The following NFAT5 variants were observed in gnomAD, a reference collection of about 807,000 sequenced individuals.
NFAT5 encodes the protein nuclear factor of activated T cells 5, also known as nuclear factor of activated T-cells 5.
A neutral mutation model predicts 166.5 loss-of-function variants in NFAT5; 31 were observed. The observed-to-expected ratio is 0.19, with a 90% CI of 0.14 to 0.25. NFAT5 has a LOEUF of 0.25. Among genes scored for constraint, NFAT5 ranks in the 10% least tolerant of loss-of-function variants. NFAT5 has a pLI of 1.00. For synonymous variants in NFAT5, 612 were observed against 639.7 expected (o/e 0.96, Z 0.65); for missense variants, 1,449 against 1,821.8 (o/e 0.80, Z 3.72).
rs1443643375 is a variant in NFAT5, at chr16:69,696,738, C to T, written c.*387C>T. 1 of 152,534 alleles carries T rather than the reference C, an allele frequency of 6.6e-6. No individual in the cohort carries two copies. The highest frequency in any genetic ancestry group is 1.9e-4 in the East Asian group (1 of 5,194). 9.4% of individuals were successfully genotyped at this position (152,534 alleles called of 1,614,324 possible). A position where few individuals can be genotyped will look rare whatever the true frequency, so the allele number is the denominator to read the frequency against. On this transcript the variant is annotated 3_prime_UTR_variant, in exon 15 of 15. Coordinates refer to ENST00000349945, the MANE Select transcript of NFAT5 (RefSeq NM_138713.4). ...GTTTACTTTTGTTCTTCATTATTTT[C>T]TTTCCTGCATTGTTTTAGTCAAGTA...
chr16:69,582,460 T>C (rs1470379858), intron 2 of NFAT5, among the ~76,000 whole-genome samples: 2 of 151,922 alleles, frequency 1.3e-5, no homozygotes, highest in African/African-American at 4.8e-5. Flanking sequence ...GGTATACCTA[T>C]GTTTTTTTCT....
intron 2 of NFAT5, among the ~76,000 whole-genome samples, chr16:69,613,159 G>A (rs1220314329): frequency 1.3e-5 from 2 of 151,952 alleles, no homozygotes; most frequent in Non-Finnish European, 1.5e-5. Context: ...CTTCCCCACC[G>A]TAGCCAGTGA....
intron 3 of NFAT5, among the ~76,000 whole-genome samples, chr16:69,636,207 A>G (rs2034960001): frequency 6.6e-6 from 1 of 152,216 alleles, no homozygotes; most frequent in Non-Finnish European, 1.5e-5. Flanking sequence ...TAACCAGGTC[A>G]CGCTGATGCA....
Position 69,585,720 on chromosome 16 carries a change from C to G in NFAT5, c.127+17172C>G, listed in dbSNP as rs141817168. ...GAAAACATACGCAAAGTGAAATAAG[C>G]CAGACAGAAAAGGACAAATATTGTA... On this transcript the variant is annotated intron_variant, in intron 2 of 14. Transcript: ENST00000349945. Among the ~76,000 whole-genome samples, 1,041 of 152,196 alleles carry G rather than the reference C, an allele frequency of 6.8e-3. 16 individuals are homozygous for G. Among genetic ancestry groups the G allele is most frequent in the African/African-American group, 0.024 (1,001 of 41,508 alleles).
chr16:69,624,405 C>T (rs1169225202), intron 2 of NFAT5, among the ~76,000 whole-genome samples: 5 of 151,690 alleles, frequency 3.3e-5, no homozygotes, highest in African/African-American at 9.7e-5. Context: ...CAGGGTTTCA[C>T]CATTTTGGCC....
At position 69,566,495 on chromosome 16, in the gene NFAT5, C is replaced by A; in HGVS notation, c.73+121C>A. ...GGCGGCTGAGCCGCGACCCCCATGGCTTCTTTGGCCGGAGCGGGCAGAGGC... is the reference window on the plus strand; with the variant it reads ...GGCGGCTGAGCCGCGACCCCCATGGATTCTTTGGCCGGAGCGGGCAGAGGC... On this transcript the variant is annotated intron_variant, in intron 1 of 14. Coordinates refer to ENST00000349945, the MANE Select transcript of NFAT5 (RefSeq NM_138713.4). The surrounding 1 kb of genome is among the most constrained non-coding windows in gnomAD (Gnocchi z 5.7). 1.2e-6 allele frequency: 1 copy of A among 845,598 alleles called. No homozygotes were observed. 52.4% of individuals were successfully genotyped at this position (845,598 alleles called of 1,614,324 possible).
intron 2 of NFAT5, among the ~76,000 whole-genome samples, chr16:69,622,819 C>A (rs2034259126): frequency 1.8e-5 from 2 of 111,950 alleles, no homozygotes; most frequent in East Asian, 2.5e-4. Context: ...TTTCAAATTT[C>A]CTTTTTGTTT....
intron 2 of NFAT5, among the ~76,000 whole-genome samples, chr16:69,609,819 GAA>G (rs1157655325): frequency 6.0e-4 from 45 of 75,318 alleles, no homozygotes; most frequent in Middle Eastern, 7.1e-3. Flanking sequence ...TGTCTCTACT[GAA>G]AAAAAAAAAA....
rs540254351 is a variant in NFAT5, at chr16:69,566,409, GGGGAGACA to G, written c.73+55_73+62del. Reference sequence around the variant, plus strand: ...GCTGTGGGGGGTGGGGCGTGGGGGCGGGGAGACAGGGAGACAGGGAGACAGGGCCAGGG... The same window carrying G: ...GCTGTGGGGGGTGGGGCGTGGGGGCGGGGAGACAGGGAGACAGGGCCAGGG... On this transcript the variant is annotated intron_variant, in intron 1 of 14. Coordinates refer to ENST00000349945, the MANE Select transcript of NFAT5 (RefSeq NM_138713.4). This position sits in a 1 kb window ranked among gnomAD's most constrained non-coding sequence, Gnocchi z 5.7. 52,238 of 1,417,704 alleles carry G rather than the reference GGGGAGACA, an allele frequency of 0.037. 1,821 individuals carry two copies. Among genetic ancestry groups the G allele is most frequent in the Middle Eastern group, 0.061 (287 of 4,686 alleles). 87.8% of individuals were successfully genotyped at this position (1,417,704 alleles called of 1,614,324 possible). A position where few individuals can be genotyped will look rare whatever the true frequency, so the allele number is the denominator to read the frequency against.
intron 9 of NFAT5, among the ~76,000 whole-genome samples, chr16:69,672,584 A>G (rs72783118): frequency 0.059 from 9,014 of 152,300 alleles, 287 homozygotes; most frequent in Middle Eastern, 0.11. Flanking sequence ...TAGATACACA[A>G]GAAAAACTTA....
chr16:69,637,624 T>A (rs1224663893), intron 3 of NFAT5, among the ~76,000 whole-genome samples: 1 of 152,184 alleles, frequency 6.6e-6, no homozygotes, highest in Non-Finnish European at 1.5e-5. Flanking sequence ...CTTGTGAGAC[T>A]TATTATCTGT....
chr16:69,605,564 G>C (rs954679951), intron 2 of NFAT5, among the ~76,000 whole-genome samples: 1 of 152,156 alleles, frequency 6.6e-6, no homozygotes, highest in African/African-American at 2.4e-5. Flanking sequence ...TGGTTTTTGA[G>C]AAACTTCTTT....
intron 9 of NFAT5, among the ~76,000 whole-genome samples, chr16:69,672,412 A>T (rs1424935905): frequency 1.3e-5 from 2 of 152,192 alleles, no homozygotes; most frequent in African/African-American, 4.8e-5. Context: ...TCATTAGATT[A>T]TTTGAGACTC....
At chr16:69,658,078 G>A (rs1372513711) in intron 6 of NFAT5, among the ~76,000 whole-genome samples, 1 of 147,904 alleles carries the variant, frequency 6.8e-6, no homozygotes, top group Non-Finnish European at 1.5e-5. Context: ...GGCGAGACTT[G>A]TCTCAAAAAA....
chr16:69,655,932 A>G, intron 6 of NFAT5, 133 bp downstream of exon 6: 1 of 649,138 alleles, frequency 1.5e-6, no homozygotes, highest in African/African-American at 1.9e-5. Flanking sequence ...AAAAAAAGAC[A>G]TTACTTCAGA....
chr16:69,643,415 T>G (rs2035301636), intron 3 of NFAT5, among the ~76,000 whole-genome samples: 1 of 150,764 alleles, frequency 6.6e-6, no homozygotes, highest in African/African-American at 2.4e-5. Context: ...ATATCATTAT[T>G]TTATGTATTT....
intron 2 of NFAT5, among the ~76,000 whole-genome samples, chr16:69,580,176 A>G (rs957722216): frequency 6.6e-6 from 1 of 151,966 alleles, no homozygotes; most frequent in African/African-American, 2.4e-5. Context: ...ATGTAATTAC[A>G]TATTAAATAT....
At chr16:69,657,453 A>G (rs1248710188) in intron 6 of NFAT5, among the ~76,000 whole-genome samples, 1 of 143,128 alleles carries the variant, frequency 7.0e-6, no homozygotes, top group Non-Finnish European at 1.5e-5. Context: ...TTAACTTGTA[A>G]CTTTTGAAAA....
At chr16:69,671,851 T>C (rs1287799095) in intron 9 of NFAT5, among the ~76,000 whole-genome samples, 1 of 152,204 alleles carries the variant, frequency 6.6e-6, no homozygotes, top group Non-Finnish European at 1.5e-5. Flanking sequence ...GCAGGGAAGC[T>C]CACCCAAGCC....
Sources: allele counts gnomAD v4.1 joint callset (sites outside exome capture counted in the v4.1 genomes callset), GRCh38; gene constraint gnomAD v4.1.1; non-coding constraint Gnocchi (gnomAD v3.1); transcripts MANE v1.5; gene names NCBI Gene and HGNC (gene_info 2026-07-23, HGNC 2026-07-21).